The following ZNF248 variants were observed in gnomAD, a reference collection of about 807,000 sequenced individuals.
The protein encoded by ZNF248 is KRAB protein domain.
Under a neutral mutation model 44.3 loss-of-function variants are expected in ZNF248, and 20 were observed. The ratio of observed to expected loss-of-function variants is 0.45; its 90% confidence interval spans 0.32 to 0.66. The LOEUF is 0.66. Ranked by LOEUF, ZNF248 falls within the 30% of genes least tolerant of loss-of-function variation. ZNF248 has a pLI of 0.04. For missense variants in ZNF248, 654 were observed against 677.0 expected (o/e 0.97, Z 0.38); for synonymous variants, 224 against 229.0 (o/e 0.98, Z 0.20).
chr10:37,829,560 TA>T lies in ZNF248; in HGVS notation c.*2054del. The T allele has an allele frequency of 1.0e-6, 1 of 985,252 alleles. No homozygotes were observed. The highest frequency in any genetic ancestry group is 1.2e-6 in the Non-Finnish European group (1 of 829,900). 61.0% of individuals were successfully genotyped at this position (985,252 alleles called of 1,614,324 possible). On this transcript the variant is annotated 3_prime_UTR_variant, in exon 6 of 6. Coordinates refer to ENST00000395867, the MANE Select transcript of ZNF248 (RefSeq NM_021045.3). ...AGTATCAGACAGCCCTAAGACCAAA[TA>T]AAAAACAGTTATTGAGGGTTATAAA...
At chr10:37,781,872 G>C (rs2047355893) in intron 6 of ZNF248, among the ~76,000 whole-genome samples, 1 of 152,158 alleles carries the variant, frequency 6.6e-6, no homozygotes, top group South Asian at 2.1e-4. Context: ...ATCTTCTCCT[G>C]CATTTATTGA....
chr10:37,825,420 G>A (rs1030958751), downstream of ZNF248, among the ~76,000 whole-genome samples: 1 of 152,076 alleles, frequency 6.6e-6, no homozygotes, highest in African/African-American at 2.4e-5. Context: ...CTGTGACAAT[G>A]GTGGGCGCAC....
the ZNF248 span, among the ~76,000 whole-genome samples, chr10:37,759,765 G>A: frequency 1.3e-5 from 2 of 152,198 alleles, no homozygotes; most frequent in Admixed American, 1.3e-4. Context: ...CATTCAGAGT[G>A]GGAAAATCTG....
At chr10:37,854,920 T>A (rs2061007278) in intron 3 of ZNF248, among the ~76,000 whole-genome samples, 2 of 152,190 alleles carry the variant, frequency 1.3e-5, no homozygotes, top group Admixed American at 1.3e-4. Context: ...ACCATCAGAA[T>A]CAGCTTAAGC....
chr10:37,839,534 C>A (rs76801288), intron 3 of ZNF248, among the ~76,000 whole-genome samples: 2,670 of 151,972 alleles, frequency 0.018, 25 homozygotes, highest in Middle Eastern at 0.037. Flanking sequence ...CACATGCACA[C>A]ACACATACAT....
the ZNF248 span, among the ~76,000 whole-genome samples, chr10:37,767,177 G>C: frequency 6.6e-6 from 1 of 152,160 alleles, no homozygotes; most frequent in Non-Finnish European, 1.5e-5. Context: ...CGGGGAGAAA[G>C]GAACCAAGTT....
At chr10:37,833,404 G>A (rs1170976865) in intron 5 of ZNF248, among the ~76,000 whole-genome samples, 3 of 152,176 alleles carry the variant, frequency 2.0e-5, no homozygotes, top group African/African-American at 7.2e-5. Context: ...TCACAGCACA[G>A]GGAACCAGAG....
chr10:37,808,782 G>T (rs937589058), intron 6 of ZNF248, among the ~76,000 whole-genome samples: 1 of 152,182 alleles, frequency 6.6e-6, no homozygotes, highest in South Asian at 2.1e-4. Context: ...TTTTGGAAGA[G>T]CCTAAAAAAG....
At chr10:37,771,306 T>C in the ZNF248 span, among the ~76,000 whole-genome samples, 7 of 152,136 alleles carry the variant, frequency 4.6e-5, no homozygotes, top group Non-Finnish European at 1.5e-5. Context: ...CATGCTGCTA[T>C]AAAGACACAT....
chr10:37,776,869 C>A (rs555631476), intron 6 of ZNF248, among the ~76,000 whole-genome samples: 1 of 152,170 alleles, frequency 6.6e-6, no homozygotes. Flanking sequence ...CACCATTTCA[C>A]TTGAACCCTC....
intron 6 of ZNF248, among the ~76,000 whole-genome samples, chr10:37,785,619 C>G (rs1017989806): frequency 6.6e-5 from 10 of 152,016 alleles, no homozygotes; most frequent in Non-Finnish European, 2.9e-5. Flanking sequence ...TGGAGTATTC[C>G]CTGTGACAGA....
Position 37,829,207 on chromosome 10 carries a change from C to T in ZNF248, c.*2408G>A. 1.0e-6 allele frequency: 1 copy of T among 985,438 alleles called. No individual in the cohort carries two copies. The highest frequency in any genetic ancestry group is 1.2e-6 in the Non-Finnish European group (1 of 829,952). The allele number at this position is 985,438 out of a possible 1,614,324, so 61.0% of individuals were successfully genotyped here. ...GATGTCTCTTACAAGGTGGCCCCTC[C>T]TTCATGACAGCAGTTCTTACTGGGC... is the stretch of plus-strand genomic sequence containing the variant. On this transcript the variant is annotated 3_prime_UTR_variant, in exon 6 of 6. Transcript: ENST00000395867.
At chr10:37,766,290 G>C in the ZNF248 span, among the ~76,000 whole-genome samples, 1 of 152,246 alleles carries the variant, frequency 6.6e-6, no homozygotes, top group Non-Finnish European at 1.5e-5. Flanking sequence ...CTGGAGATCT[G>C]AGAACGGGCA....
intron 6 of ZNF248, among the ~76,000 whole-genome samples, chr10:37,778,590 C>T (rs1406969327): frequency 6.6e-6 from 1 of 152,090 alleles, no homozygotes; most frequent in Non-Finnish European, 1.5e-5. Flanking sequence ...CTTTTGGTGT[C>T]TTAGACATGA....
the ZNF248 span, among the ~76,000 whole-genome samples, chr10:37,768,080 C>T: frequency 6.6e-6 from 1 of 152,200 alleles, no homozygotes; most frequent in Non-Finnish European, 1.5e-5. Context: ...AACTAACTAT[C>T]CTAAATACGT....
the ZNF248 span, among the ~76,000 whole-genome samples, chr10:37,764,648 C>G: frequency 6.6e-6 from 1 of 152,092 alleles, no homozygotes; most frequent in South Asian, 2.1e-4. Context: ...TACTCTTTCC[C>G]TTTATTTCTC....
chr10:37,766,647 A>G, the ZNF248 span, among the ~76,000 whole-genome samples: 1 of 152,228 alleles, frequency 6.6e-6, no homozygotes, highest in East Asian at 1.9e-4. Flanking sequence ...TCAAAGACCA[A>G]AAGTAGATAA....
At chr10:37,810,727 A>G (rs769717243) in intron 6 of ZNF248, among the ~76,000 whole-genome samples, 39 of 152,354 alleles carry the variant, frequency 2.6e-4, no homozygotes, top group Non-Finnish European at 5.4e-4. Context: ...TCCTATAAAA[A>G]GCTAAAATTT....
intron 6 of ZNF248, among the ~76,000 whole-genome samples, chr10:37,781,097 C>G (rs1162332506): frequency 6.6e-6 from 1 of 152,062 alleles, no homozygotes; most frequent in Non-Finnish European, 1.5e-5. Flanking sequence ...TACCCAGAAC[C>G]CTAGAATGTG....
Sources: gnomAD v4.1 joint callset for allele counts (sites outside exome capture counted in the v4.1 genomes callset) on GRCh38, gnomAD v4.1.1 for gene constraint, MANE v1.5 for transcripts, NCBI Gene and HGNC (gene_info 2026-07-23, HGNC 2026-07-21) for gene names.